EML5: variants seen among roughly 807,000 people sequenced by gnomAD.
EML5 encodes EMAP like 5, also known as echinoderm microtubule-associated protein-like 5.
Under a neutral mutation model 250.0 loss-of-function variants are expected in EML5, and 120 were observed. The observed-to-expected ratio is 0.48, with a 90% CI of 0.41 to 0.56. EML5 has a LOEUF of 0.56. Among genes scored for constraint, EML5 ranks in the 20% least tolerant of loss-of-function variants. The pLI is 0.00. For synonymous variants in EML5, 771 were observed against 806.5 expected (o/e 0.96, Z 0.75); for missense variants, 2,006 against 2,437.6 (o/e 0.82, Z 3.73).
rs566932552 is a variant in EML5 at position 88,614,882 on chromosome 14, A to C, written c.*936T>G. 24 of 152,352 alleles carry C rather than the reference A, an allele frequency of 1.6e-4. 1 individual carries two copies. The highest frequency in any genetic ancestry group is 5.5e-4 in the African/African-American group (23 of 41,594). The allele number at this position is 152,352 out of a possible 1,614,324, so 9.4% of individuals were successfully genotyped here. A position where few individuals can be genotyped will look rare whatever the true frequency, so the allele number is the denominator to read the frequency against. ...TTTTCCCAATAGAAAAAAGGCTATA[A>C]AAATTTTATTCCAAGAGTGATTAAA... On this transcript the variant is annotated 3_prime_UTR_variant, in exon 44 of 44. Coordinates refer to ENST00000554922, the MANE Select transcript of EML5 (RefSeq NM_183387.3).
At chr14:88,619,552 C>T (rs2088474892) in intron 39 of EML5, 1 of 152,146 alleles carries the variant, frequency 6.6e-6, no homozygotes, top group Admixed American at 6.5e-5. Flanking sequence ...AATTAATAAG[C>T]TAACAATTCA....
intron 41 of EML5, 182 bp from the exon 42 acceptor site, chr14:88,617,061 A>C: frequency 2.1e-6 from 1 of 472,466 alleles, no homozygotes; most frequent in Non-Finnish European, 3.7e-6. Context: ...CTGCCTTTTA[A>C]AAATGACATT....
intron 1 of EML5, among the ~76,000 whole-genome samples, chr14:88,776,099 C>A (rs2094445183): frequency 6.6e-6 from 1 of 152,222 alleles, no homozygotes. Flanking sequence ...GCTTAGATCA[C>A]AACACCCAAG....
intron 1 of EML5, among the ~76,000 whole-genome samples, chr14:88,764,090 A>C (rs2094288093): frequency 6.6e-6 from 1 of 152,156 alleles, no homozygotes; most frequent in Non-Finnish European, 1.5e-5. Context: ...AATGAATCCT[A>C]CCTGGAATGA....
intron 2 of EML5, among the ~76,000 whole-genome samples, chr14:88,752,934 C>T (rs1408086941): frequency 2.0e-5 from 3 of 152,186 alleles, no homozygotes; most frequent in Non-Finnish European, 4.4e-5. Context: ...CTTAGAGCCA[C>T]TTCCATTGCT....
At position 88,627,527 on chromosome 14, in the gene EML5, A is replaced by G. The variant is rs1254801673; in HGVS notation, c.4531+119T>C. ...AGTACCACTGTGTACAGTATATTGC[A>G]TAGGCCTCCACTGAATGATTGTTTC... On this transcript the variant is annotated intron_variant, in intron 34 of 43. Transcript: ENST00000554922. The G allele has an allele frequency of 3.1e-6, 3 of 962,418 alleles. No homozygotes were observed. The East Asian group carries it at 7.8e-5, about 25-fold the overall frequency. 59.6% of individuals were successfully genotyped at this position (962,418 alleles called of 1,614,324 possible).
chr14:88,630,023 A>ATT (rs58382081), intron 33 of EML5, among the ~76,000 whole-genome samples: 856 of 84,170 alleles, frequency 0.01, 15 homozygotes, highest in African/African-American at 0.021. Context: ...TAAAAACTGT[A>ATT]TTTTTTTTTT....
At chr14:88,785,357 AG>A (rs2094541235) in intron 1 of EML5, among the ~76,000 whole-genome samples, 1 of 152,348 alleles carries the variant, frequency 6.6e-6, no homozygotes, top group East Asian at 1.9e-4. Context: ...TGTAATACAA[AG>A]GATAAAGCCT....
At chr14:88,772,564 C>T (rs1467096180) in intron 1 of EML5, among the ~76,000 whole-genome samples, 1 of 152,090 alleles carries the variant, frequency 6.6e-6, no homozygotes, top group Admixed American at 6.6e-5. Context: ...ACCAGACTGG[C>T]CAACGTGGTG....
intron 11 of EML5, 151 bp downstream of exon 11, chr14:88,706,108 A>G (rs1300330352): frequency 1.1e-5 from 8 of 707,078 alleles, no homozygotes; most frequent in Non-Finnish European, 1.8e-5. Context: ...TTAAACATAT[A>G]GAACTAATAT....
At chr14:88,703,390 G>A (rs1472095198) in intron 13 of EML5, among the ~76,000 whole-genome samples, 1 of 152,078 alleles carries the variant, frequency 6.6e-6, no homozygotes, top group Non-Finnish European at 1.5e-5. Context: ...TATACACATT[G>A]TTGGACCATG....
chr14:88,684,610 T>C (rs752942729), intron 20 of EML5, among the ~76,000 whole-genome samples: 2 of 151,892 alleles, frequency 1.3e-5, no homozygotes, highest in Non-Finnish European at 2.9e-5. Context: ...GCTCAACAAA[T>C]ATACCTTATA....
chr14:88,684,319 C>T (rs1398350047), intron 20 of EML5, among the ~76,000 whole-genome samples: 1 of 4,248 alleles, frequency 2.4e-4, no homozygotes, highest in Non-Finnish European at 3.8e-4. Flanking sequence ...TACAGGCGCC[C>T]GCCACTACGC....
rs78451024 is a variant in EML5, at chr14:88,634,174, C to T, written c.4357+295G>A. Among the ~76,000 whole-genome samples the T allele has an allele frequency of 8.8e-3, 1,335 of 152,188 alleles. 8 individuals are homozygous for T. The highest frequency in any genetic ancestry group is 0.031 in the African/African-American group (1,269 of 41,516). Reference sequence around the variant, plus strand: ...ATTGTGAGTTCTCATGAGATCTGCTCGTTTAAACGTGTAGTACCTCCCCTT... The same window carrying T: ...ATTGTGAGTTCTCATGAGATCTGCTTGTTTAAACGTGTAGTACCTCCCCTT... On this transcript the variant is annotated intron_variant, in intron 33 of 43. Coordinates refer to ENST00000554922, the MANE Select transcript of EML5 (RefSeq NM_183387.3).
At chr14:88,766,923 T>C (rs564076185) in intron 1 of EML5, among the ~76,000 whole-genome samples, 7 of 152,228 alleles carry the variant, frequency 4.6e-5, no homozygotes, top group African/African-American at 7.2e-5. Flanking sequence ...TTTCCCCCGA[T>C]AGCACACAGT....
At chr14:88,768,441 C>T (rs548095100) in intron 1 of EML5, among the ~76,000 whole-genome samples, 30 of 150,460 alleles carry the variant, frequency 2.0e-4, no homozygotes, top group Non-Finnish European at 3.5e-4. Flanking sequence ...GACAGAGTTT[C>T]GCTCTGTCAC....
chr14:88,625,363 TCTTCC>T (rs909962031), intron 35 of EML5: 4 of 454,892 alleles, frequency 8.8e-6, no homozygotes, highest in East Asian at 7.9e-5. Flanking sequence ...CTTAGACAAT[TCTTCC>T]CTTCCAATTC....
chr14:88,731,518 A>G (rs371652133), intron 7 of EML5, among the ~76,000 whole-genome samples: 357 of 152,220 alleles, frequency 2.3e-3, no homozygotes, highest in Non-Finnish European at 4.4e-3. Context: ...GAATAGTGCC[A>G]CAATAAACAT....
intron 1 of EML5, among the ~76,000 whole-genome samples, chr14:88,778,367 A>G (rs1371071544): frequency 2.0e-5 from 3 of 152,220 alleles, no homozygotes; most frequent in Non-Finnish European, 4.4e-5. Context: ...AAGAGTTAAA[A>G]ACTTCAATTT....
Sources: allele counts gnomAD v4.1 joint callset (sites outside exome capture counted in the v4.1 genomes callset), GRCh38; gene constraint gnomAD v4.1.1; transcripts MANE v1.5; gene names NCBI Gene and HGNC (gene_info 2026-07-23, HGNC 2026-07-21).